Variants in GPC5 observed in about 807,000 individuals in gnomAD.
GPC5 encodes the protein glypican-5.
Under a neutral mutation model 53.9 loss-of-function variants are expected in GPC5, and 47 were observed. The observed-to-expected ratio is 0.87, with a 90% confidence interval of 0.69 to 1.11. GPC5 has a LOEUF of 1.11. GPC5 is among the 50% of genes most tolerant of loss of function. The probability of loss-of-function intolerance (pLI) is 0.00; values close to 1 mark genes in which losing one functional copy is unlikely to be tolerated. For missense variants in GPC5, 748 were observed against 713.1 expected, an observed-to-expected ratio of 1.05 and a Z score of -0.56; for synonymous variants, 286 against 263.3, an observed-to-expected ratio of 1.09 and a Z score of -0.84.
intron 6 of GPC5, among the ~76,000 whole-genome samples, chr13:91,975,833 G>A (rs1670504740): frequency 2.0e-5 from 3 of 152,138 alleles, no homozygotes; most frequent in South Asian, 2.1e-4. Flanking sequence ...TATGTTTATT[G>A]CGGCACTATT....
intron 7 of GPC5, among the ~76,000 whole-genome samples, chr13:92,675,823 C>T (rs574807370): frequency 1.3e-5 from 2 of 152,060 alleles, no homozygotes; most frequent in African/African-American, 4.8e-5. Flanking sequence ...CATGAACAAG[C>T]AGGAGGTGCT....
At chr13:92,365,950 A>G (rs2043604481) in intron 7 of GPC5, among the ~76,000 whole-genome samples, 1 of 151,732 alleles carries the variant, frequency 6.6e-6, no homozygotes, top group South Asian at 2.1e-4. Flanking sequence ...GCACAGTATA[A>G]CAAATATTTA....
chr13:92,067,425 A>C (rs2041176257), intron 6 of GPC5, among the ~76,000 whole-genome samples: 1 of 152,054 alleles, frequency 6.6e-6, no homozygotes, highest in Non-Finnish European at 1.5e-5. Context: ...TGCAAACAAA[A>C]TGTGTATTTC....
At chr13:92,510,599 G>A (rs965821481) in intron 7 of GPC5, among the ~76,000 whole-genome samples, 14 of 152,106 alleles carry the variant, frequency 9.2e-5, no homozygotes, top group Non-Finnish European at 1.6e-4. Flanking sequence ...CTTCTGTTAC[G>A]GAATTTATGG....
intron 7 of GPC5, among the ~76,000 whole-genome samples, chr13:92,490,947 A>C (rs1297803770): frequency 6.6e-6 from 1 of 152,088 alleles, no homozygotes; most frequent in Non-Finnish European, 1.5e-5. Flanking sequence ...AATAACTGTC[A>C]ACTCCATCAC....
At chr13:92,474,920 C>T (rs1011482362) in intron 7 of GPC5, among the ~76,000 whole-genome samples, 1 of 152,004 alleles carries the variant, frequency 6.6e-6, no homozygotes, top group Non-Finnish European at 1.5e-5. Flanking sequence ...ACGGTGATTA[C>T]AGAACAGTTA....
intron 7 of GPC5, among the ~76,000 whole-genome samples, chr13:92,440,017 G>A (rs1310516428): frequency 6.6e-6 from 1 of 152,190 alleles, no homozygotes; most frequent in East Asian, 1.9e-4. Context: ...TGGATAGGGA[G>A]CTCTGTATAG....
chr13:92,406,292 C>T (rs1373701039), intron 7 of GPC5, among the ~76,000 whole-genome samples: 3 of 152,194 alleles, frequency 2.0e-5, no homozygotes, highest in Non-Finnish European at 2.9e-5. Context: ...GCATTCATTG[C>T]TATTTTCTGT....
At chr13:92,729,395 A>C (rs1201288084) in intron 7 of GPC5, among the ~76,000 whole-genome samples, 2 of 151,448 alleles carry the variant, frequency 1.3e-5, no homozygotes, top group African/African-American at 4.8e-5. Flanking sequence ...AGTATAAAAC[A>C]CACAATGTAT....
chr13:91,817,535 T>C (rs1406107934), intron 5 of GPC5, among the ~76,000 whole-genome samples: 11 of 152,184 alleles, frequency 7.2e-5, no homozygotes, highest in Admixed American at 7.2e-4. Flanking sequence ...GAATCCATGA[T>C]ACCAGTTTTT....
At chr13:91,458,336 G>A (rs1881698700) in intron 2 of GPC5, among the ~76,000 whole-genome samples, 1 of 152,028 alleles carries the variant, frequency 6.6e-6, no homozygotes, top group Non-Finnish European at 1.5e-5. Flanking sequence ...TTTTATGATA[G>A]GTGTGATTTG....
At chr13:91,959,057 AACACACACACACACACAC>A (rs147785443) in intron 6 of GPC5, among the ~76,000 whole-genome samples, 16 of 127,716 alleles carry the variant, frequency 1.3e-4, no homozygotes, top group South Asian at 8.3e-4. Flanking sequence ...GAATGGAGAC[AACACACACACACACACAC>A]ACACACACAC....
intron 6 of GPC5, among the ~76,000 whole-genome samples, chr13:92,124,248 G>GAAAAAAAAA (rs34042033): frequency 2.3e-3 from 127 of 54,802 alleles, no homozygotes; most frequent in East Asian, 4.1e-3. Context: ...CGGACAGAAT[G>GAAAAAAAAA]AAAAAAAAAA....
At chr13:92,733,891 T>C (rs990362785) in intron 7 of GPC5, among the ~76,000 whole-genome samples, 17 of 151,804 alleles carry the variant, frequency 1.1e-4, no homozygotes, top group African/African-American at 4.1e-4. Context: ...TTAACTTTGC[T>C]ATGAGAATTG....
chr13:92,280,834 G>A (rs1187500614), intron 7 of GPC5, among the ~76,000 whole-genome samples: 3 of 152,120 alleles, frequency 2.0e-5, no homozygotes, highest in Non-Finnish European at 2.9e-5. Flanking sequence ...CACAGAAGAC[G>A]GGTAATTTCT....
intron 7 of GPC5, among the ~76,000 whole-genome samples, chr13:92,500,120 A>T (rs572494586): frequency 6.6e-6 from 1 of 152,226 alleles, no homozygotes; most frequent in Non-Finnish European, 1.5e-5. Context: ...CAGCATGGAC[A>T]TAAGGAACAC....
At chr13:91,680,786 T>C (rs1339703843) in intron 2 of GPC5, among the ~76,000 whole-genome samples, 1 of 152,182 alleles carries the variant, frequency 6.6e-6, no homozygotes, top group East Asian at 1.9e-4. Context: ...TGTTCACAGA[T>C]TGAATTCAGA....
chr13:92,753,911 A>ATAT (rs1316755501), intron 7 of GPC5, among the ~76,000 whole-genome samples: 1 of 152,198 alleles, frequency 6.6e-6, no homozygotes, highest in Non-Finnish European at 1.5e-5. Context: ...ACTCTGCAGG[A>ATAT]TATTATCCAG....
intron 2 of GPC5, among the ~76,000 whole-genome samples, chr13:91,576,238 G>A (rs1430416377): frequency 6.6e-6 from 1 of 151,932 alleles, no homozygotes; most frequent in Non-Finnish European, 1.5e-5. Context: ...GAAAATTGCC[G>A]AGGGTAGATT....
Sources: allele counts gnomAD v4.1 joint callset (sites outside exome capture counted in the v4.1 genomes callset), GRCh38; gene constraint gnomAD v4.1.1; transcripts MANE v1.5; gene names NCBI Gene and HGNC (gene_info 2026-07-23, HGNC 2026-07-21).